ZSCAN5A: variants seen among roughly 807,000 people sequenced by gnomAD.
The protein encoded by ZSCAN5A is zinc finger and SCAN domain-containing protein 5A.
Under a neutral mutation model 23.7 loss-of-function variants are expected in ZSCAN5A, and 12 were observed. That is an observed-to-expected ratio of 0.51 (90% CI 0.32 to 0.82). The LOEUF is 0.82. ZSCAN5A is among the 40% of genes least tolerant of loss of function. The pLI, the probability that ZSCAN5A is intolerant of heterozygous loss-of-function variation, is 0.03. For synonymous variants in ZSCAN5A, 257 were observed against 239.9 expected, an observed-to-expected ratio of 1.07 and a Z score of -0.66; for missense variants, 597 against 617.9, an observed-to-expected ratio of 0.97 and a Z score of 0.36.
intron 2 of ZSCAN5A, among the ~76,000 whole-genome samples, chr19:56,268,101 A>G (rs1438834983): frequency 6.6e-6 from 1 of 152,164 alleles, no homozygotes; most frequent in Non-Finnish European, 1.5e-5. Flanking sequence ...GAAGACTCCA[A>G]GGGCTCCTCT....
At chr19:56,320,620 A>G (rs762486270) in intron 2 of ZSCAN5A, 30 of 648,224 alleles carry the variant, frequency 4.6e-5, no homozygotes, top group Non-Finnish European at 7.1e-5. Context: ...CTCAAAAATA[A>G]TAATAATAAT....
intron 2 of ZSCAN5A, among the ~76,000 whole-genome samples, chr19:56,293,300 T>C (rs939266297): frequency 3.9e-5 from 6 of 152,120 alleles, no homozygotes; most frequent in Non-Finnish European, 8.8e-5. Flanking sequence ...CGCTTGCTCA[T>C]GGTCACACAG....
At chr19:56,315,707 A>T (rs1467560592), upstream of ZSCAN5A, 1 of 152,064 alleles carries the variant, frequency 6.6e-6, no homozygotes, top group Admixed American at 6.5e-5. Context: ...AATGTCTGGT[A>T]CCCCTGCTGT....
chr19:56,338,001 G>A (rs1276405220), intron 2 of ZSCAN5A, among the ~76,000 whole-genome samples: 1 of 152,174 alleles, frequency 6.6e-6, no homozygotes, highest in Non-Finnish European at 1.5e-5. Flanking sequence ...GAAGACTAGT[G>A]AAAGTTGAAT....
At chr19:56,346,069 TGCAAGAGAAAG>T (rs1366925515) in intron 2 of ZSCAN5A, among the ~76,000 whole-genome samples, 1 of 144,980 alleles carries the variant, frequency 6.9e-6, no homozygotes, top group East Asian at 2.0e-4. Context: ...CAGCAGAGGG[TGCAAGAGAAAG>T]GAGAGACAGC....
chr19:56,239,869 C>G (rs1212565546), intron 2 of ZSCAN5A, among the ~76,000 whole-genome samples: 1 of 152,046 alleles, frequency 6.6e-6, no homozygotes, highest in East Asian at 1.9e-4. Flanking sequence ...GTGATTAAAA[C>G]TTGTGGACCT....
intron 2 of ZSCAN5A, among the ~76,000 whole-genome samples, chr19:56,277,806 T>C (rs2038378267): frequency 6.6e-6 from 1 of 152,142 alleles, no homozygotes; most frequent in Non-Finnish European, 1.5e-5. Flanking sequence ...GGGTACAATG[T>C]ACATTACAAA....
At chr19:56,282,661 G>GAAC (rs201997424) in intron 2 of ZSCAN5A, among the ~76,000 whole-genome samples, 7 of 152,094 alleles carry the variant, frequency 4.6e-5, no homozygotes, top group African/African-American at 9.7e-5. Context: ...GTCCTTTGAT[G>GAAC]AACAACAACA....
At chr19:56,335,566 A>C (rs567074359) in intron 2 of ZSCAN5A, among the ~76,000 whole-genome samples, 2 of 152,234 alleles carry the variant, frequency 1.3e-5, no homozygotes, top group South Asian at 4.1e-4. Flanking sequence ...TTTTAATTGG[A>C]GCATTTAGCC....
chr19:56,360,238 A>G (rs2041726056), intron 2 of ZSCAN5A, among the ~76,000 whole-genome samples: 1 of 152,234 alleles, frequency 6.6e-6, no homozygotes, highest in South Asian at 2.1e-4. Context: ...TCAGGATACA[A>G]AACCAATGTG....
rs1464708925 is a variant in ZSCAN5A at position 56,222,606 on chromosome 19, G to A, written c.724C>T (p.Leu242Phe). The A allele has an allele frequency of 6.2e-7, 1 of 1,614,192 alleles. No individual in the cohort carries two copies. The highest frequency in any genetic ancestry group is 1.7e-5 in the Admixed American group (1 of 60,020). ...NPGLTSPEPQ[L>F]PKSPTDLVRA... is the part of the protein sequence containing the mutation. The stretch of plus-strand genomic sequence containing the variant: ...TCATACTCACTGGGACTCTTTGGAA[G>A]CTGAGGCTCTGGGGATGTCAGTCCT... Residue 242 changes from leucine to phenylalanine, a missense_variant, in exon 5 of 6, where the codon CTT becomes TTT. This residue lies in a region of ZSCAN5A where 406 missense variants were observed against 353.2 expected (regional missense o/e 1.15). Coordinates refer to ENST00000683990, the MANE Select transcript of ZSCAN5A (RefSeq NM_001322064.3).
intron 2 of ZSCAN5A, among the ~76,000 whole-genome samples, chr19:56,354,979 C>T (rs1338983640): frequency 6.6e-6 from 1 of 152,158 alleles, no homozygotes; most frequent in African/African-American, 2.4e-5. Flanking sequence ...GCTACATCCC[C>T]AAAACTGAGG....
At chr19:56,276,662 G>A (rs954013530) in intron 2 of ZSCAN5A, among the ~76,000 whole-genome samples, 6 of 151,826 alleles carry the variant, frequency 4.0e-5, no homozygotes, top group Admixed American at 1.3e-4. Flanking sequence ...TCAGCCTCCC[G>A]AGTAGCTGGG....
chr19:56,339,273 C>CGT (rs1568759076), intron 2 of ZSCAN5A, among the ~76,000 whole-genome samples: 2 of 152,154 alleles, frequency 1.3e-5, no homozygotes, highest in Non-Finnish European at 2.9e-5. Context: ...CAGCTGTAGC[C>CGT]ATATTTAGCA....
chr19:56,228,068 G>A (rs1403452862), intron 2 of ZSCAN5A, among the ~76,000 whole-genome samples: 8 of 152,090 alleles, frequency 5.3e-5, no homozygotes, highest in Non-Finnish European at 1.2e-4. Context: ...GAGAAAGTTA[G>A]TATTATTCCT....
rs563852414 is a variant in ZSCAN5A at position 56,356,992 on chromosome 19, T to C, written c.-358+6243A>G. Reference sequence around the variant, plus strand: ...AAGATTACCTTGATTTTTATCCTCATATTTAAAGGATATTTTCATAGGATA... The same window carrying C: ...AAGATTACCTTGATTTTTATCCTCACATTTAAAGGATATTTTCATAGGATA... On this transcript the variant is annotated intron_variant, in intron 2 of 6. Transcript: ENST00000587340. Among the ~76,000 whole-genome samples the C allele has an allele frequency of 1.6e-4, 24 of 148,944 alleles. 1 individual carries two copies. The highest frequency in any genetic ancestry group is 2.8e-4 in the Non-Finnish European group (19 of 67,340).
At chr19:56,256,382 C>T (rs2036693299) in intron 2 of ZSCAN5A, among the ~76,000 whole-genome samples, 1 of 152,048 alleles carries the variant, frequency 6.6e-6, no homozygotes, top group Non-Finnish European at 1.5e-5. Context: ...TTTGTAGAGA[C>T]AGAGTTCTGT....
At chr19:56,238,079 G>T (rs1163702912) in intron 2 of ZSCAN5A, among the ~76,000 whole-genome samples, 46 of 33,040 alleles carry the variant, frequency 1.4e-3, no homozygotes, top group South Asian at 3.1e-3. Context: ...GACACACACA[G>T]AGACACACCC....
intron 2 of ZSCAN5A, among the ~76,000 whole-genome samples, chr19:56,231,807 G>A (rs968570760): frequency 3.3e-5 from 5 of 152,182 alleles, no homozygotes; most frequent in African/African-American, 1.2e-4. Flanking sequence ...TCCAAGTTCT[G>A]ACATTTGTAC....
Sources: allele counts gnomAD v4.1 joint callset (sites outside exome capture counted in the v4.1 genomes callset), GRCh38; gene constraint gnomAD v4.1.1; regional missense constraint gnomAD v4.1.1; transcripts MANE v1.5; gene names NCBI Gene and HGNC (gene_info 2026-07-23, HGNC 2026-07-21).